GRID2: variants seen among roughly 807,000 people sequenced by gnomAD.
GRID2 encodes glutamate receptor ionotropic, delta-2.
Under a neutral mutation model 114.8 loss-of-function variants are expected in GRID2, and 33 were observed. The ratio of observed to expected loss-of-function variants is 0.29; its 90% CI spans 0.22 to 0.38. GRID2 has a LOEUF of 0.38. Among genes scored for constraint, GRID2 ranks in the 10% least tolerant of loss-of-function variants. The pLI is 1.00. For missense variants in GRID2, 1,184 were observed against 1,257.7 expected (o/e 0.94, Z 0.89); for synonymous variants, 505 against 449.9 (o/e 1.12, Z -1.55).
At chr4:93,556,143 A>G (rs1734295922) in intron 13 of GRID2, among the ~76,000 whole-genome samples, 1 of 152,228 alleles carries the variant, frequency 6.6e-6, no homozygotes, top group South Asian at 2.1e-4. Flanking sequence ...AAGTCCACTA[A>G]GATGAGGAAA....
At chr4:92,589,488 A>G (rs552589958) in intron 1 of GRID2, among the ~76,000 whole-genome samples, 2 of 152,332 alleles carry the variant, frequency 1.3e-5, no homozygotes, top group Admixed American at 6.5e-5. Context: ...GTTTATCATC[A>G]TCATATTTAC....
At chr4:92,744,466 C>T (rs961481689) in intron 2 of GRID2, among the ~76,000 whole-genome samples, 14 of 145,152 alleles carry the variant, frequency 9.6e-5, no homozygotes, top group East Asian at 4.1e-4. Context: ...CCAGTCTGGG[C>T]GACAGAGCAA....
intron 2 of GRID2, among the ~76,000 whole-genome samples, chr4:92,907,929 A>G (rs1748081327): frequency 6.6e-6 from 1 of 152,048 alleles, no homozygotes; most frequent in Non-Finnish European, 1.5e-5. Context: ...AGGCTGAGGC[A>G]GGAGAATCGC....
At chr4:93,770,808 A>C (rs2110338117) in intron 15 of GRID2, among the ~76,000 whole-genome samples, 1 of 152,290 alleles carries the variant, frequency 6.6e-6, no homozygotes, top group African/African-American at 2.4e-5. Context: ...TATGATATTA[A>C]AATTTTGCAT....
intron 14 of GRID2, among the ~76,000 whole-genome samples, chr4:93,673,689 T>C (rs1234226853): frequency 6.6e-6 from 1 of 152,206 alleles, no homozygotes; most frequent in Non-Finnish European, 1.5e-5. Flanking sequence ...CAGACATACA[T>C]GAAACAAGCC....
chr4:93,239,266 A>G (rs1233385054), intron 8 of GRID2, among the ~76,000 whole-genome samples: 1 of 149,352 alleles, frequency 6.7e-6, no homozygotes, highest in Non-Finnish European at 1.5e-5. Flanking sequence ...TCATATATAT[A>G]TCATATAAAT....
chr4:92,940,423 C>A (rs576544414), intron 2 of GRID2, among the ~76,000 whole-genome samples: 20 of 150,164 alleles, frequency 1.3e-4, no homozygotes, highest in African/African-American at 4.8e-4. Flanking sequence ...AGTTTGTATC[C>A]TGAGACTTTG....
chr4:93,145,873 C>T (rs997468643), intron 4 of GRID2, among the ~76,000 whole-genome samples: 2 of 151,518 alleles, frequency 1.3e-5, no homozygotes, highest in African/African-American at 4.8e-5. Context: ...CATACACACA[C>T]ACACACACAC....
intron 2 of GRID2, among the ~76,000 whole-genome samples, chr4:92,938,324 G>A (rs1750820657): frequency 6.9e-6 from 1 of 145,876 alleles, no homozygotes; most frequent in African/African-American, 2.4e-5. Flanking sequence ...CTTCTTTATG[G>A]CCCATCTTTC....
intron 9 of GRID2, among the ~76,000 whole-genome samples, chr4:93,402,478 A>G (rs1380420400): frequency 6.6e-6 from 1 of 152,160 alleles, no homozygotes; most frequent in African/African-American, 2.4e-5. Context: ...TAAAGAAAAA[A>G]AAGCATGAGT....
intron 2 of GRID2, among the ~76,000 whole-genome samples, chr4:93,025,190 C>G (rs919105641): frequency 6.6e-6 from 1 of 151,468 alleles, no homozygotes; most frequent in African/African-American, 2.4e-5. Flanking sequence ...AAATTTGAAT[C>G]CACTCCAAAT....
At chr4:92,509,291 C>G (rs1724125276) in intron 1 of GRID2, among the ~76,000 whole-genome samples, 1 of 151,832 alleles carries the variant, frequency 6.6e-6, no homozygotes, top group South Asian at 2.1e-4. Context: ...GAAGGCAGGG[C>G]TCTTGGCTTA....
chr4:93,647,332 C>A (rs72873020), intron 14 of GRID2, among the ~76,000 whole-genome samples: 5 of 152,004 alleles, frequency 3.3e-5, no homozygotes, highest in African/African-American at 1.2e-4. Context: ...TCTCACATAG[C>A]GACATATTTA....
intron 2 of GRID2, among the ~76,000 whole-genome samples, chr4:92,678,008 A>G (rs1428007158): frequency 6.6e-6 from 1 of 152,068 alleles, no homozygotes; most frequent in Non-Finnish European, 1.5e-5. Context: ...ATTTTATTCA[A>G]ATAAACCAAG....
intron 14 of GRID2, among the ~76,000 whole-genome samples, chr4:93,709,059 GT>G (rs1468386698): frequency 1.3e-5 from 2 of 151,934 alleles, no homozygotes; most frequent in Non-Finnish European, 2.9e-5. Flanking sequence ...GTCTTGAAAA[GT>G]TGTTGTAGTT....
intron 2 of GRID2, among the ~76,000 whole-genome samples, chr4:92,781,514 AATCTT>A (rs1739075568): frequency 6.6e-6 from 1 of 152,142 alleles, no homozygotes. Context: ...AATACGCATT[AATCTT>A]TTCAACACAT....
intron 14 of GRID2, among the ~76,000 whole-genome samples, chr4:93,757,138 A>G (rs1732819410): frequency 6.6e-6 from 1 of 152,142 alleles, no homozygotes; most frequent in Non-Finnish European, 1.5e-5. Flanking sequence ...TTACTAAAGG[A>G]TATTATGTGT....
chr4:92,322,909 C>T (rs1239494386), intron 1 of GRID2, among the ~76,000 whole-genome samples: 1 of 152,070 alleles, frequency 6.6e-6, no homozygotes, highest in Non-Finnish European at 1.5e-5. Flanking sequence ...TTCATATAAA[C>T]ATATTTAACT....
intron 1 of GRID2, among the ~76,000 whole-genome samples, chr4:92,446,512 T>C (rs938155180): frequency 6.6e-6 from 1 of 152,242 alleles, no homozygotes; most frequent in East Asian, 1.9e-4. Context: ...GGCTCTCCTA[T>C]GAGGCTCATT....
Sources: gnomAD v4.1 joint callset for allele counts (sites outside exome capture counted in the v4.1 genomes callset) on GRCh38, gnomAD v4.1.1 for gene constraint, MANE v1.5 for transcripts, NCBI Gene and HGNC (gene_info 2026-07-23, HGNC 2026-07-21) for gene names.